The following PTK2B variants were observed in gnomAD, a reference collection of about 807,000 sequenced individuals.
PTK2B encodes protein-tyrosine kinase 2-beta.
A neutral mutation model predicts 142.9 loss-of-function variants in PTK2B; 71 were observed. The observed-to-expected ratio is 0.50, with a 90% CI of 0.41 to 0.61. The LOEUF (loss-of-function observed/expected upper bound fraction) is 0.61, where lower values mean the gene tolerates loss of function less well. Among genes scored for constraint, PTK2B ranks in the 20% least tolerant of loss-of-function variants. The pLI is 0.00. For missense variants in PTK2B, 1,105 were observed against 1,320.4 expected, an observed-to-expected ratio of 0.84 and a Z score of 2.53; for synonymous variants, 519 against 503.4, an observed-to-expected ratio of 1.03 and a Z score of -0.42.
rs1165177324 is a variant in PTK2B at position 27,433,504 on chromosome 8, C to T, written c.1057C>T (p.Arg353Trp). The T allele has an allele frequency of 2.5e-6, 4 of 1,614,100 alleles. No individual in the cohort carries two copies. Among genetic ancestry groups the T allele is most frequent in the Admixed American group, 1.7e-5 (1 of 60,008 alleles). ...NMADLIDGYC[R>W]LQGEHQGSLI... ...GGCTGACCTCATAGACGGCTACTGC[C>T]GGCTGCAGGGTGAGCACCAAGGCTC... is the stretch of plus-strand genomic sequence containing the variant. Residue 353 changes from arginine to tryptophan, a missense_variant, in exon 11 of 31, where the codon CGG (arginine) becomes TGG (tryptophan). By Grantham distance (101) the Arg-to-Trp change is moderately radical. Transcript: ENST00000346049.
chr8:27,334,104 C>A (rs1437228754), intron 1 of PTK2B, among the ~76,000 whole-genome samples: 2 of 152,126 alleles, frequency 1.3e-5, no homozygotes, highest in East Asian at 3.9e-4. Context: ...TCACTCAATC[C>A]TGCAGATTCT....
At chr8:27,440,568 T>C in intron 21 of PTK2B, 127 bp downstream of exon 21, 1 of 1,090,570 alleles carries the variant, frequency 9.2e-7, no homozygotes, top group Non-Finnish European at 1.3e-6. Flanking sequence ...GACAGGAGGC[T>C]GAAGCCAGGT....
intron 1 of PTK2B, among the ~76,000 whole-genome samples, chr8:27,382,751 A>G (rs1277490533): frequency 4.6e-5 from 7 of 152,132 alleles, no homozygotes; most frequent in Non-Finnish European, 1.0e-4. Context: ...ATAGGGATCT[A>G]GTTTCATTCT....
intron 5 of PTK2B, among the ~76,000 whole-genome samples, chr8:27,424,665 T>A (rs1224803280): frequency 2.0e-5 from 3 of 152,244 alleles, no homozygotes; most frequent in African/African-American, 7.2e-5. Context: ...TGAGCCATTT[T>A]AAAGTCAAGT....
chr8:27,332,192 C>A (rs1348758082), intron 1 of PTK2B, among the ~76,000 whole-genome samples: 2 of 152,224 alleles, frequency 1.3e-5, no homozygotes, highest in African/African-American at 2.4e-5. Context: ...AGTCAGAGGG[C>A]AGGAGGCCTG....
At chr8:27,369,408 G>A (rs1328566582) in intron 1 of PTK2B, among the ~76,000 whole-genome samples, 1 of 152,206 alleles carries the variant, frequency 6.6e-6, no homozygotes, top group Non-Finnish European at 1.5e-5. Flanking sequence ...GGTGACTCAC[G>A]CCTATAATTC....
intron 2 of PTK2B, among the ~76,000 whole-genome samples, chr8:27,408,566 G>A (rs962305979): frequency 1.3e-5 from 2 of 152,142 alleles, no homozygotes; most frequent in African/African-American, 2.4e-5. Flanking sequence ...AAGTAAATTT[G>A]TATGCCTTTT....
At chr8:27,349,988 G>A (rs544324792) in intron 1 of PTK2B, among the ~76,000 whole-genome samples, 36 of 152,158 alleles carry the variant, frequency 2.4e-4, no homozygotes, top group Non-Finnish European at 4.4e-4. Context: ...GTTATCACCC[G>A]GTCAAGACTT....
chr8:27,328,828 G>A (rs900296723), intron 1 of PTK2B, among the ~76,000 whole-genome samples: 7 of 152,284 alleles, frequency 4.6e-5, no homozygotes, highest in Middle Eastern at 6.8e-3. Flanking sequence ...CAAGCAGGTC[G>A]TTCAGAAGGC....
chr8:27,365,306 A>G (rs1023228076), intron 1 of PTK2B, among the ~76,000 whole-genome samples: 1 of 152,186 alleles, frequency 6.6e-6, no homozygotes, highest in African/African-American at 2.4e-5. Context: ...TCGTCTGCCA[A>G]CCTGGTGGGT....
intron 2 of PTK2B, among the ~76,000 whole-genome samples, chr8:27,415,315 A>G (rs1178641493): frequency 6.6e-6 from 1 of 152,140 alleles, no homozygotes; most frequent in Non-Finnish European, 1.5e-5. Flanking sequence ...ACTCCTGGCT[A>G]TTGCTAGTCT....
rs182210622 is a variant in PTK2B at position 27,451,993 on chromosome 8, G to A, written c.2548+484G>A. 4.4e-4 allele frequency: 73 copies of A among 165,324 alleles called. 1 individual carries two copies. Among genetic ancestry groups the A allele is most frequent in the African/African-American group, 1.6e-3 (66 of 41,794 alleles). 10.2% of individuals were successfully genotyped at this position (165,324 alleles called of 1,614,324 possible). On this transcript the variant is annotated intron_variant, in intron 27 of 30. Coordinates refer to ENST00000346049, the MANE Select transcript of PTK2B (RefSeq NM_173176.3). Reference sequence around the variant, plus strand: ...GGAGGGAAGAGCCAGCAGTAAGCCCGGGGCCTGGAGGGGTGGCATTGAGGA... The same window carrying A: ...GGAGGGAAGAGCCAGCAGTAAGCCCAGGGCCTGGAGGGGTGGCATTGAGGA...
chr8:27,364,302 T>G (rs1477528083), intron 1 of PTK2B, among the ~76,000 whole-genome samples: 1 of 152,194 alleles, frequency 6.6e-6, no homozygotes, highest in Admixed American at 6.5e-5. Context: ...GTTTCCATAC[T>G]CCTGGGTGAA....
intron 2 of PTK2B, among the ~76,000 whole-genome samples, chr8:27,411,147 A>T (rs1401366298): frequency 6.6e-6 from 1 of 152,232 alleles, no homozygotes; most frequent in Non-Finnish European, 1.5e-5. Flanking sequence ...GTCATTTTTT[A>T]AAAGTGATTT....
chr8:27,404,034 C>T (rs1808550234), intron 2 of PTK2B, among the ~76,000 whole-genome samples: 1 of 128,130 alleles, frequency 7.8e-6, no homozygotes, highest in African/African-American at 2.8e-5. Flanking sequence ...TGATTTGTCT[C>T]ATCCCCAGTT....
At chr8:27,330,442 G>A (rs902751324) in intron 1 of PTK2B, among the ~76,000 whole-genome samples, 6 of 152,214 alleles carry the variant, frequency 3.9e-5, no homozygotes, top group Admixed American at 3.3e-4. Context: ...TCAGTTCACT[G>A]TGTTTTGGCA....
intron 1 of PTK2B, among the ~76,000 whole-genome samples, chr8:27,394,880 A>G (rs1807947242): frequency 6.6e-6 from 1 of 152,114 alleles, no homozygotes; most frequent in Non-Finnish European, 1.5e-5. Context: ...AAAGACACAA[A>G]CACACACATT....
At chr8:27,329,585 A>C (rs1292614597) in intron 1 of PTK2B, among the ~76,000 whole-genome samples, 2 of 152,072 alleles carry the variant, frequency 1.3e-5, no homozygotes, top group Non-Finnish European at 2.9e-5. Flanking sequence ...TGGGGGATGG[A>C]GTAGAGGTGC....
chr8:27,445,367 C>A (rs144322382), intron 23 of PTK2B, among the ~76,000 whole-genome samples: 1 of 152,124 alleles, frequency 6.6e-6, no homozygotes, highest in Non-Finnish European at 1.5e-5. Context: ...GAGCTGTGAT[C>A]ATACCACTGC....
Sources: gnomAD v4.1 joint callset for allele counts (sites outside exome capture counted in the v4.1 genomes callset) on GRCh38, gnomAD v4.1.1 for gene constraint, MANE v1.5 for transcripts, NCBI Gene and HGNC (gene_info 2026-07-23, HGNC 2026-07-21) for gene names.